TANK: variants seen among roughly 807,000 people sequenced by gnomAD.
TANK encodes the protein TRAF family member-associated NF-kappa-B activator.
In TANK, 15 loss-of-function variants were observed where a neutral mutation model predicts 43.6. The observed-to-expected ratio is 0.34, with a 90% CI of 0.23 to 0.53. The LOEUF (loss-of-function observed/expected upper bound fraction) is 0.53. Ranked by LOEUF, TANK falls within the 20% of genes least tolerant of loss-of-function variation. TANK has a pLI of 0.94. For synonymous variants in TANK, 162 were observed against 178.2 expected, an observed-to-expected ratio of 0.91 and a Z score of 0.73; for missense variants, 417 against 498.6, an observed-to-expected ratio of 0.84 and a Z score of 1.56.
intron 4 of TANK, 41 bp from the exon 5 acceptor site, chr2:161,223,874 G>A (rs781001816): frequency 7.7e-7 from 1 of 1,306,186 alleles, no homozygotes; most frequent in South Asian, 1.3e-5. Context: ...GAATTTGGGA[G>A]CAATTTAAAG....
chr2:161,231,458 A>G lies in TANK; in HGVS notation c.1008A>G (p.Ala336=). ...AACLPPGDHN[A]LYVNSFPLLD... ...GTTTGCCACCTGGAGACCATAATGC[A>G]TTATATGTAAATAGCTTCCCACTTC... is the stretch of plus-strand genomic sequence containing the variant. The change falls in exon 7 of 8, where the codon GCA becomes GCG. Residue 336 remains alanine, a synonymous_variant. Transcript: ENST00000392749. 6.2e-7 allele frequency: 1 copy of G among 1,614,168 alleles called. No individual in the cohort carries two copies. The highest frequency in any genetic ancestry group is 8.5e-7 in the Non-Finnish European group (1 of 1,180,018).
At position 161,204,695 on chromosome 2, in the gene TANK, C is replaced by G. The variant is rs1200774393; in HGVS notation, c.229C>G (p.Pro77Ala). The change falls in exon 4 of 8, where the codon CCT (proline) becomes GCT (alanine). Residue 77 changes from proline (P) to alanine (A), a missense_variant. Pro to Ala is a conservative substitution (Grantham distance 27, BLOSUM62 -1). Transcript: ENST00000392749. ...STQDNNYGCVPLLEDSETRKN... is the reference protein window; with the variant it reads ...STQDNNYGCVALLEDSETRKN... Reference sequence around the variant, plus strand: ...TGCAGATAACAATTATGGCTGTGTTCCTCTGCTTGAAGACAGTGAAACAAG... The same window carrying G: ...TGCAGATAACAATTATGGCTGTGTTGCTCTGCTTGAAGACAGTGAAACAAG... 1.2e-6 allele frequency: 2 copies of G among 1,609,628 alleles called. No homozygotes were observed.
intron 1 of TANK, among the ~76,000 whole-genome samples, chr2:161,164,788 T>A (rs951517999): frequency 1.3e-5 from 2 of 152,158 alleles, no homozygotes; most frequent in African/African-American, 4.8e-5. Context: ...AAGTATATGG[T>A]TCAATAATGT....
At chr2:161,184,449 TATATG>T (rs1196503514) in intron 2 of TANK, among the ~76,000 whole-genome samples, 24 of 152,286 alleles carry the variant, frequency 1.6e-4, no homozygotes, top group African/African-American at 5.3e-4. Context: ...ATTATGTAGT[TATATG>T]ATACATAAAA....
intron 1 of TANK, among the ~76,000 whole-genome samples, chr2:161,144,714 CA>C (rs1272674652): frequency 6.6e-6 from 1 of 152,006 alleles, no homozygotes; most frequent in Non-Finnish European, 1.5e-5. Context: ...GTTTTACTTC[CA>C]ATTATGTGGT....
chr2:161,158,045 T>G (rs1346372190), upstream of TANK, among the ~76,000 whole-genome samples: 1 of 152,070 alleles, frequency 6.6e-6, no homozygotes, highest in Non-Finnish European at 1.5e-5. Context: ...AATAATTCAT[T>G]AATTAATATT....
chr2:161,176,808 G>C (rs1374224595), intron 1 of TANK, among the ~76,000 whole-genome samples: 1 of 152,080 alleles, frequency 6.6e-6, no homozygotes, highest in Non-Finnish European at 1.5e-5. Flanking sequence ...GCTCTTATTT[G>C]TCTCAGATCT....
At chr2:161,209,205 A>G (rs1311462794) in intron 4 of TANK, among the ~76,000 whole-genome samples, 1 of 152,246 alleles carries the variant, frequency 6.6e-6, no homozygotes, top group Non-Finnish European at 1.5e-5. Flanking sequence ...AATAATAGCA[A>G]TGCTTAGAGA....
chr2:161,158,139 C>G (rs1017719644), upstream of TANK, among the ~76,000 whole-genome samples: 1 of 152,200 alleles, frequency 6.6e-6, no homozygotes, highest in Admixed American at 6.5e-5. Flanking sequence ...CTTGGCCTCC[C>G]AAAGTGTTAG....
intron 1 of TANK, among the ~76,000 whole-genome samples, chr2:161,167,897 TACA>T (rs1684762413): frequency 6.6e-6 from 1 of 152,090 alleles, no homozygotes; most frequent in Non-Finnish European, 1.5e-5. Context: ...GTGCTGGGAT[TACA>T]AGTGTGAGCC....
At position 161,224,718 on chromosome 2, in the gene TANK, C is replaced by T. The variant is rs1687523762; in HGVS notation, c.492C>T (p.Ser164=). 6.4e-7 allele frequency: 1 copy of T among 1,572,964 alleles called. No homozygotes were observed. Among genetic ancestry groups the T allele is most frequent in the Non-Finnish European group, 8.6e-7 (1 of 1,158,494 alleles). ...CAAAAGCACAGAAAGACCACTTAAG[C>T]AAACTTAATATACCAGACACTGCAA... ...MLAKAQKDHL[S]KLNIPDTATE... is the part of the protein sequence containing the mutation. Residue 164 remains serine, a synonymous_variant, in exon 6 of 8, where the codon AGC becomes AGT. Transcript: ENST00000392749.
chr2:161,149,606 T>C (rs1684015053), intron 1 of TANK, among the ~76,000 whole-genome samples: 1 of 152,208 alleles, frequency 6.6e-6, no homozygotes, highest in Non-Finnish European at 1.5e-5. Context: ...ATTTGATATG[T>C]TGTTACCTGA....
upstream of TANK, among the ~76,000 whole-genome samples, chr2:161,155,677 T>C (rs1684204797): frequency 6.6e-6 from 1 of 152,256 alleles, no homozygotes; most frequent in Non-Finnish European, 1.5e-5. Context: ...TAATTTTTTT[T>C]CCACCTGGAT....
intron 3 of TANK, among the ~76,000 whole-genome samples, chr2:161,203,928 T>C (rs926526941): frequency 1.3e-5 from 2 of 152,142 alleles, no homozygotes; most frequent in African/African-American, 4.8e-5. Context: ...AAAATATTTG[T>C]TCAGGTACTC....
At chr2:161,160,772 T>C in intron 1 of TANK, 1 of 561,354 alleles carries the variant, frequency 1.8e-6, no homozygotes, top group East Asian at 4.2e-5. Flanking sequence ...GAGGGACTCG[T>C]CCCGGCTGCT....
chr2:161,193,041 G>A (rs1265042214), intron 2 of TANK, among the ~76,000 whole-genome samples: 2 of 152,192 alleles, frequency 1.3e-5, no homozygotes, highest in Non-Finnish European at 2.9e-5. Flanking sequence ...TAGCAAGAGA[G>A]GCTAGAGCAT....
chr2:161,206,945 G>A (rs546844456), intron 4 of TANK, among the ~76,000 whole-genome samples: 1 of 152,068 alleles, frequency 6.6e-6, no homozygotes, highest in African/African-American at 2.4e-5. Flanking sequence ...GTATGTAGAA[G>A]GTAGTTTTGA....
intron 1 of TANK, among the ~76,000 whole-genome samples, chr2:161,171,942 C>A (rs1366275196): frequency 6.6e-6 from 1 of 152,060 alleles, no homozygotes; most frequent in Non-Finnish European, 1.5e-5. Context: ...AGGATAGATA[C>A]AAACTGTACC....
chr2:161,218,089 CA>C (rs1293312894), intron 4 of TANK, among the ~76,000 whole-genome samples: 2 of 151,994 alleles, frequency 1.3e-5, no homozygotes, highest in Non-Finnish European at 2.9e-5. Context: ...ACTCGTTTGG[CA>C]AAACTTGAGT....
Sources: gnomAD v4.1 joint callset for allele counts (sites outside exome capture counted in the v4.1 genomes callset) on GRCh38, gnomAD v4.1.1 for gene constraint, MANE v1.5 for transcripts, NCBI Gene and HGNC (gene_info 2026-07-23, HGNC 2026-07-21) for gene names.